The following UBE2F variants were observed in gnomAD, a reference collection of about 807,000 sequenced individuals.
UBE2F encodes ubiquitin conjugating enzyme E2 F (putative).
A neutral mutation model predicts 29.6 loss-of-function variants in UBE2F; 5 were observed. The observed-to-expected ratio is 0.17, with a 90% CI of 0.09 to 0.36. The LOEUF is 0.36. Among genes scored for constraint, UBE2F ranks in the 10% least tolerant of loss-of-function variants. The probability of loss-of-function intolerance (pLI) is 1.00; values close to 1 mark genes in which losing one functional copy is unlikely to be tolerated. For synonymous variants in UBE2F, 66 were observed against 81.8 expected (o/e 0.81, Z 1.04); for missense variants, 141 against 228.5 (o/e 0.62, Z 2.47).
chr2:238,003,156 A>G (rs983941613), intron 4 of UBE2F, among the ~76,000 whole-genome samples: 3 of 152,118 alleles, frequency 2.0e-5, no homozygotes, highest in Non-Finnish European at 4.4e-5. Flanking sequence ...GTATGGAGAT[A>G]AACATTATAA....
At chr2:237,991,953 C>A (rs2063600041) in intron 3 of UBE2F, among the ~76,000 whole-genome samples, 1 of 151,690 alleles carries the variant, frequency 6.6e-6, no homozygotes, top group Admixed American at 6.6e-5. Context: ...GCAACCTCTG[C>A]CCCCGGGTTC....
At chr2:238,007,881 G>C (rs2063940379) in intron 4 of UBE2F, among the ~76,000 whole-genome samples, 1 of 152,142 alleles carries the variant, frequency 6.6e-6, no homozygotes, top group South Asian at 2.1e-4. Flanking sequence ...TCAAGGTAAT[G>C]CATTCTGGTC....
intron 3 of UBE2F, among the ~76,000 whole-genome samples, chr2:237,990,010 C>T (rs772033355): frequency 6.7e-5 from 10 of 149,478 alleles, no homozygotes; most frequent in Non-Finnish European, 1.3e-4. Flanking sequence ...CCCAGCTGCT[C>T]GGGAGGCTGG....
rs59213280 is a variant in UBE2F at position 237,987,852 on chromosome 2, C to CATTTTTTTTTTTTTTTTTTTT, written c.119-111_119-110insATTTTTTTTTTTTTTTTTTTT. 2 of 489,616 alleles carry CATTTTTTTTTTTTTTTTTTTT rather than the reference C, an allele frequency of 4.1e-6. 1 individual carries two copies. The highest frequency in any genetic ancestry group is 4.4e-5 in the African/African-American group (2 of 45,934). The allele number at this position is 489,616 out of a possible 1,614,324, so 30.3% of individuals were successfully genotyped here. A position where few individuals can be genotyped will look rare whatever the true frequency, so the allele number is the denominator to read the frequency against. ...TAGACCAGGTTTTATTCAGTTCATC[C>CATTTTTTTTTTTTTTTTTTTT]TTTTTTTTTTTTTTTTGATTCAGTG... On this transcript the variant is annotated intron_variant, in intron 2 of 9. Coordinates refer to ENST00000272930, the MANE Select transcript of UBE2F (RefSeq NM_080678.3).
At chr2:238,017,864 C>T (rs1296926867) in intron 5 of UBE2F, among the ~76,000 whole-genome samples, 2 of 152,184 alleles carry the variant, frequency 1.3e-5, no homozygotes, top group African/African-American at 2.4e-5. Flanking sequence ...TGTGCTCCCA[C>T]TGCCTGACGA....
At chr2:238,003,377 G>T (rs775007757) in intron 4 of UBE2F, 3 of 470,950 alleles carry the variant, frequency 6.4e-6, no homozygotes, top group South Asian at 1.5e-5. Flanking sequence ...GAATTTGGCT[G>T]GTGTGATGCT....
intron 4 of UBE2F, among the ~76,000 whole-genome samples, chr2:238,012,429 AG>A (rs2064056665): frequency 6.6e-6 from 1 of 152,214 alleles, no homozygotes; most frequent in Non-Finnish European, 1.5e-5. Context: ...ACTTCAGAGC[AG>A]CTTTGCAGGC....
At chr2:238,036,706 G>A (rs2064718003) in intron 9 of UBE2F, among the ~76,000 whole-genome samples, 1 of 152,146 alleles carries the variant, frequency 6.6e-6, no homozygotes, top group Non-Finnish European at 1.5e-5. Flanking sequence ...CACGCCTGTG[G>A]TCCCAGCTAC....
chr2:237,981,320 C>T (rs1200612460), intron 2 of UBE2F, among the ~76,000 whole-genome samples: 4 of 152,128 alleles, frequency 2.6e-5, no homozygotes, highest in Admixed American at 1.3e-4. Flanking sequence ...GGAAGTGCAG[C>T]AAAACTTCTT....
In UBE2F at chr2:237,969,198, C is replaced by T. The variant is rs116204765; in HGVS notation, c.-17+2066C>T. ...GACTTGAAGATAGTAAACCAGCAAT[C>T]TGACTCTTCAGTGGAATTGAATGTT... On this transcript the variant is annotated intron_variant, in intron 1 of 9. Coordinates refer to ENST00000272930, the MANE Select transcript of UBE2F (RefSeq NM_080678.3). Among the ~76,000 whole-genome samples the T allele has an allele frequency of 1.9e-3, 294 of 152,316 alleles. 2 individuals are homozygous for T. The highest frequency in any genetic ancestry group is 6.7e-3 in the African/African-American group (279 of 41,556).
intron 4 of UBE2F, among the ~76,000 whole-genome samples, chr2:238,012,631 A>T (rs1206349886): frequency 6.6e-6 from 1 of 151,970 alleles, no homozygotes; most frequent in Non-Finnish European, 1.5e-5. Flanking sequence ...TAATTGTCAA[A>T]CTAGTCTGCG....
chr2:237,997,887 A>G (rs1470436969), intron 4 of UBE2F, among the ~76,000 whole-genome samples: 1 of 152,242 alleles, frequency 6.6e-6, no homozygotes, highest in Non-Finnish European at 1.5e-5. Flanking sequence ...TCATCTCGCA[A>G]AACAAGAAAA....
chr2:238,016,134 G>A (rs1478764636), intron 4 of UBE2F, among the ~76,000 whole-genome samples: 1 of 152,208 alleles, frequency 6.6e-6, no homozygotes, highest in East Asian at 1.9e-4. Flanking sequence ...TGCTCAGTAA[G>A]GGTTTGTTGG....
chr2:237,969,635 G>A (rs2063132093), intron 1 of UBE2F, among the ~76,000 whole-genome samples: 1 of 152,284 alleles, frequency 6.6e-6, no homozygotes, highest in East Asian at 1.9e-4. Flanking sequence ...CTGACGATGT[G>A]GCAGGACTGA....
At chr2:237,988,074 G>A in intron 3 of UBE2F, 82 bp downstream of exon 3, 1 of 759,706 alleles carries the variant, frequency 1.3e-6, no homozygotes, top group Non-Finnish European at 2.1e-6. Flanking sequence ...ACCTTGTATA[G>A]TAAAAAGCCT....
intron 4 of UBE2F, among the ~76,000 whole-genome samples, chr2:238,002,063 A>ATT (rs10695548): frequency 0.15 from 19,152 of 126,128 alleles, 3,080 homozygotes; most frequent in African/African-American, 0.38. Flanking sequence ...GAATATCCCA[A>ATT]TTTTTTTTTT....
At position 238,035,976 on chromosome 2, in the gene UBE2F, C is replaced by T. The variant is rs13396140; in HGVS notation, c.507+36C>T. 838 of 1,572,084 alleles carry T rather than the reference C, an allele frequency of 5.3e-4. 4 individuals carry two copies. The African/African-American group carries it at 9.8e-3, about 18-fold the overall frequency. The stretch of plus-strand genomic sequence containing the variant: ...AACAGGCTTATTCTAGGTTGATGTA[C>T]TTGTCACGAACACGATTACTACTGT... On this transcript the variant is annotated intron_variant, in intron 9 of 9. Coordinates refer to ENST00000272930, the MANE Select transcript of UBE2F (RefSeq NM_080678.3).
At chr2:238,000,825 ATT>A (rs2063777189) in intron 4 of UBE2F, among the ~76,000 whole-genome samples, 1 of 152,170 alleles carries the variant, frequency 6.6e-6, no homozygotes, top group African/African-American at 2.4e-5. Flanking sequence ...TGGTATTGTC[ATT>A]CTTTTCAATT....
intron 2 of UBE2F, among the ~76,000 whole-genome samples, chr2:237,979,324 C>G (rs1349736194): frequency 2.0e-5 from 3 of 152,220 alleles, no homozygotes; most frequent in Admixed American, 2.0e-4. Context: ...GCAGGGGCCT[C>G]TCTCTGTGAG....
Sources: gnomAD v4.1 joint callset for allele counts (sites outside exome capture counted in the v4.1 genomes callset) on GRCh38, gnomAD v4.1.1 for gene constraint, MANE v1.5 for transcripts, NCBI Gene and HGNC (gene_info 2026-07-23, HGNC 2026-07-21) for gene names.